SH3RF2: variants seen among roughly 807,000 people sequenced by gnomAD.
SH3RF2 encodes the protein E3 ubiquitin-protein ligase SH3RF2.
A neutral mutation model predicts 59.0 loss-of-function variants in SH3RF2; 43 were observed. The observed-to-expected ratio is 0.73, with a 90% CI of 0.57 to 0.94. SH3RF2 has a LOEUF of 0.94. Ranked by LOEUF, SH3RF2 falls within the 40% of genes least tolerant of loss-of-function variation. The pLI, the probability that SH3RF2 is intolerant of heterozygous loss-of-function variation, is 0.00. For synonymous variants in SH3RF2, 391 were observed against 391.5 expected, an observed-to-expected ratio of 1.00 and a Z score of 0.01; for missense variants, 930 against 940.1, an observed-to-expected ratio of 0.99 and a Z score of 0.14.
intron 7 of SH3RF2, among the ~76,000 whole-genome samples, chr5:146,054,080 G>A (rs190171792): frequency 6.6e-6 from 1 of 152,282 alleles, no homozygotes; most frequent in East Asian, 1.9e-4. Flanking sequence ...GGAAAACAAA[G>A]ATCATAATGT....
intron 5 of SH3RF2, among the ~76,000 whole-genome samples, chr5:146,030,896 G>A (rs970300915): frequency 2.0e-5 from 3 of 152,182 alleles, no homozygotes; most frequent in African/African-American, 7.2e-5. Context: ...ATCAATGGCT[G>A]CTTTCACACT....
intron 2 of SH3RF2, among the ~76,000 whole-genome samples, chr5:145,957,109 T>C (rs1218397297): frequency 1.3e-5 from 2 of 152,216 alleles, no homozygotes; most frequent in East Asian, 3.8e-4. Context: ...TTCATAAAAG[T>C]CCTTTACAGA....
chr5:145,981,851 T>C (rs1320198348), intron 2 of SH3RF2, among the ~76,000 whole-genome samples: 4 of 152,216 alleles, frequency 2.6e-5, no homozygotes, highest in Non-Finnish European at 5.9e-5. Context: ...ATTTCCACCA[T>C]GGCAGATAGT....
intron 5 of SH3RF2, among the ~76,000 whole-genome samples, chr5:146,022,526 TG>T (rs764772199): frequency 4.6e-5 from 7 of 152,172 alleles, no homozygotes; most frequent in Admixed American, 3.3e-4. Flanking sequence ...TGTCAGCAAG[TG>T]TCTCTTTAAA....
At chr5:146,011,787 C>T (rs1162755587) in intron 4 of SH3RF2, among the ~76,000 whole-genome samples, 2 of 152,142 alleles carry the variant, frequency 1.3e-5, no homozygotes, top group East Asian at 1.9e-4. Context: ...TGGGCTAAGA[C>T]GATGGGGTTT....
At chr5:146,006,351 G>A (rs570951806) in intron 4 of SH3RF2, among the ~76,000 whole-genome samples, 5 of 152,232 alleles carry the variant, frequency 3.3e-5, no homozygotes, top group South Asian at 2.1e-4. Flanking sequence ...AGCCTAGGAG[G>A]TCGTGGCTAC....
chr5:146,000,002 T>C, intron 2 of SH3RF2, 56 bp from the exon 3 acceptor site: 5 of 1,567,926 alleles, frequency 3.2e-6, no homozygotes, highest in Non-Finnish European at 4.3e-6. Context: ...GCTTGTATCT[T>C]CTGTTCCTCT....
intron 2 of SH3RF2, among the ~76,000 whole-genome samples, chr5:145,993,839 G>T (rs754037810): frequency 2.2e-4 from 34 of 152,124 alleles, no homozygotes; most frequent in Non-Finnish European, 3.4e-4. Context: ...TCGTCTTGGG[G>T]ATTAACACTC....
At chr5:145,981,431 C>T (rs767372623) in intron 2 of SH3RF2, among the ~76,000 whole-genome samples, 31 of 147,734 alleles carry the variant, frequency 2.1e-4, no homozygotes, top group Non-Finnish European at 4.1e-4. Flanking sequence ...TTGTTTGAAT[C>T]AGGATTCACC....
chr5:145,957,008 G>C (rs977111288), intron 2 of SH3RF2, among the ~76,000 whole-genome samples: 2 of 152,216 alleles, frequency 1.3e-5, no homozygotes, highest in Non-Finnish European at 2.9e-5. Flanking sequence ...AAGTTTTGTT[G>C]TATGAGTTAA....
chr5:145,952,363 A>C (rs1379734231), intron 2 of SH3RF2, among the ~76,000 whole-genome samples: 1 of 152,158 alleles, frequency 6.6e-6, no homozygotes, highest in African/African-American at 2.4e-5. Flanking sequence ...ACCTTGCTAA[A>C]ACAATATCTT....
At chr5:145,958,939 G>T (rs1283119093) in intron 2 of SH3RF2, among the ~76,000 whole-genome samples, 2 of 152,090 alleles carry the variant, frequency 1.3e-5, no homozygotes, top group Non-Finnish European at 2.9e-5. Context: ...ACAGCAATTT[G>T]GTCTGAAAAG....
intron 7 of SH3RF2, among the ~76,000 whole-genome samples, chr5:146,054,727 T>C (rs899948688): frequency 6.6e-6 from 1 of 152,320 alleles, no homozygotes; most frequent in East Asian, 1.9e-4. Flanking sequence ...TACTGGCTTG[T>C]TGTTAAACTA....
rs551833705 is a variant in SH3RF2 at position 145,987,681 on chromosome 5, T to C, written c.379-12377T>C. Among the ~76,000 whole-genome samples, 31 of 152,278 alleles carry C rather than the reference T, an allele frequency of 2.0e-4. No individual in the cohort carries two copies. In the South Asian group the frequency reaches 5.4e-3, roughly 26 times the overall value. On this transcript the variant is annotated intron_variant, in intron 2 of 9. Coordinates refer to ENST00000359120, the MANE Select transcript of SH3RF2 (RefSeq NM_152550.4). The stretch of plus-strand genomic sequence containing the variant: ...TCTGATCTTTGTTTCCTCAACTAGA[T>C]TGTAAGCTCCATGAAGGGTCTTGAC...
intron 5 of SH3RF2, among the ~76,000 whole-genome samples, chr5:146,022,864 G>T (rs915674510): frequency 7.2e-6 from 1 of 139,550 alleles, no homozygotes. Flanking sequence ...ACAGAGCAAG[G>T]CTCCATCTAA....
At chr5:146,024,100 T>C (rs1761438315) in intron 5 of SH3RF2, among the ~76,000 whole-genome samples, 1 of 152,262 alleles carries the variant, frequency 6.6e-6, no homozygotes, top group Non-Finnish European at 1.5e-5. Context: ...TCTGATTATA[T>C]ACCTAGAAGT....
At chr5:146,056,462 G>A (rs573415635) in intron 8 of SH3RF2, among the ~76,000 whole-genome samples, 2 of 152,320 alleles carry the variant, frequency 1.3e-5, no homozygotes, top group African/African-American at 4.8e-5. Context: ...GTGCCAACAT[G>A]TAATTAGAAC....
downstream of SH3RF2, among the ~76,000 whole-genome samples, chr5:146,065,237 C>T (rs1472725489): frequency 6.6e-6 from 1 of 152,196 alleles, no homozygotes; most frequent in African/African-American, 2.4e-5. Context: ...ACAAAATCAA[C>T]ATGCCCAAAT....
At chr5:146,004,001 G>A (rs111719497) in intron 3 of SH3RF2, 57 bp from the exon 4 acceptor site, 2 of 1,464,426 alleles carry the variant, frequency 1.4e-6, no homozygotes, top group Non-Finnish European at 1.9e-6. Flanking sequence ...TCTCTGCTGA[G>A]AGCTTTTACT....
Sources: gnomAD v4.1 joint callset for allele counts (sites outside exome capture counted in the v4.1 genomes callset) on GRCh38, gnomAD v4.1.1 for gene constraint, MANE v1.5 for transcripts, NCBI Gene and HGNC (gene_info 2026-07-23, HGNC 2026-07-21) for gene names.